FER: variants seen among roughly 807,000 people sequenced by gnomAD.
The protein encoded by FER is FER tyrosine kinase, also known as tyrosine-protein kinase Fer.
FER carries 63 observed loss-of-function variants against 111.0 expected under a neutral mutation model. The observed-to-expected ratio is 0.57, with a 90% CI of 0.46 to 0.70. The LOEUF (loss-of-function observed/expected upper bound fraction) is 0.70, where lower values mean the gene tolerates loss of function less well. Among genes scored for constraint, FER ranks in the 30% least tolerant of loss-of-function variants. The pLI is 0.00. For synonymous variants in FER, 327 were observed against 313.9 expected (o/e 1.04, Z -0.44); for missense variants, 914 against 954.0 (o/e 0.96, Z 0.55).
chr5:109,017,502 T>C (rs1311290461), intron 13 of FER, among the ~76,000 whole-genome samples: 1 of 151,992 alleles, frequency 6.6e-6, no homozygotes, highest in East Asian at 1.9e-4. Context: ...ATAAGTCTTG[T>C]ATATTCACAG....
chr5:109,118,548 T>C (rs1750562882), intron 17 of FER, among the ~76,000 whole-genome samples: 1 of 152,216 alleles, frequency 6.6e-6, no homozygotes, highest in East Asian at 1.9e-4. Flanking sequence ...ATTCCCTCTT[T>C]TTCTATTGAT....
intron 9 of FER, among the ~76,000 whole-genome samples, chr5:108,884,655 GA>G (rs1746818034): frequency 6.6e-6 from 1 of 151,646 alleles, no homozygotes; most frequent in Non-Finnish European, 1.5e-5. Flanking sequence ...TCTTGACTCC[GA>G]AAAACAATCT....
At chr5:108,787,517 C>T (rs534647433) in intron 2 of FER, among the ~76,000 whole-genome samples, 1 of 152,268 alleles carries the variant, frequency 6.6e-6, no homozygotes, top group East Asian at 1.9e-4. Flanking sequence ...AGGTGAAGTC[C>T]GTGGCCCAGA....
At chr5:108,994,952 A>G (rs1296150783) in intron 13 of FER, among the ~76,000 whole-genome samples, 1 of 152,120 alleles carries the variant, frequency 6.6e-6, no homozygotes, top group Non-Finnish European at 1.5e-5. Flanking sequence ...ATTTTTGCAC[A>G]TTGATTTTGT....
intron 13 of FER, among the ~76,000 whole-genome samples, chr5:109,031,937 C>T (rs1011068309): frequency 1.3e-5 from 2 of 152,152 alleles, no homozygotes; most frequent in Non-Finnish European, 2.9e-5. Flanking sequence ...TGGAGATGAA[C>T]TTTCCTAGAG....
chr5:108,944,108 T>TACACACACACAC (rs34138754), intron 10 of FER, among the ~76,000 whole-genome samples: 25 of 145,736 alleles, frequency 1.7e-4, no homozygotes, highest in African/African-American at 4.0e-4. Context: ...TGTGTATGTG[T>TACACACACACAC]ACACACACAC....
chr5:108,992,125 T>C (rs1763266732), intron 13 of FER, among the ~76,000 whole-genome samples: 1 of 152,106 alleles, frequency 6.6e-6, no homozygotes, highest in Non-Finnish European at 1.5e-5. Flanking sequence ...AAGCACATCT[T>C]GCACCGCCCT....
chr5:108,924,317 G>A (rs1412299350), intron 10 of FER, among the ~76,000 whole-genome samples: 1 of 143,960 alleles, frequency 6.9e-6, no homozygotes, highest in Non-Finnish European at 1.5e-5. Context: ...TCAAGAGCAT[G>A]CCATTGCACT....
intron 2 of FER, among the ~76,000 whole-genome samples, chr5:108,769,664 G>A (rs570608956): frequency 6.6e-6 from 1 of 152,188 alleles, no homozygotes; most frequent in African/African-American, 2.4e-5. Flanking sequence ...AGAACTCATA[G>A]GACTTGTATG....
chr5:108,798,036 C>T (rs972949554), intron 2 of FER, 88 bp from the exon 3 acceptor site: 5 of 533,724 alleles, frequency 9.4e-6, no homozygotes, highest in African/African-American at 6.0e-5. Flanking sequence ...TTTTTTAACC[C>T]CAAAGAAGAA....
intron 13 of FER, among the ~76,000 whole-genome samples, chr5:109,026,191 A>G (rs192569407): frequency 4.6e-5 from 7 of 152,334 alleles, no homozygotes; most frequent in Admixed American, 2.6e-4. Context: ...AATCCTTTCT[A>G]GAATGATAGG....
chr5:109,126,362 C>A (rs1187002137), intron 17 of FER, among the ~76,000 whole-genome samples: 1 of 152,150 alleles, frequency 6.6e-6, no homozygotes, highest in African/African-American at 2.4e-5. Context: ...AGGAGCAATA[C>A]TCTTTTGCTT....
intron 3 of FER, among the ~76,000 whole-genome samples, chr5:108,801,333 C>A (rs1049090637): frequency 2.6e-5 from 4 of 152,266 alleles, no homozygotes; most frequent in Admixed American, 2.0e-4. Context: ...TTTTTATACT[C>A]TTTATTCTGT....
intron 11 of FER, among the ~76,000 whole-genome samples, chr5:108,951,136 G>A (rs530735979): frequency 6.6e-6 from 1 of 151,834 alleles, no homozygotes; most frequent in Non-Finnish European, 1.5e-5. Context: ...CAGGTGGGGT[G>A]GTGCGCAATC....
Position 109,175,982 on chromosome 5 carries a change from A to AAAAC in FER, c.2049-4745_2049-4742dup, listed in dbSNP as rs142754402. Among the ~76,000 whole-genome samples the AAAAC allele has an allele frequency of 6.2e-4, 95 of 152,300 alleles. 1 individual carries two copies. Among genetic ancestry groups the AAAAC allele is most frequent in the African/African-American group, 1.4e-3 (59 of 41,576 alleles). On this transcript the variant is annotated intron_variant, in intron 17 of 19. Coordinates refer to ENST00000281092, the MANE Select transcript of FER (RefSeq NM_005246.4). ...CGACAGAGCAAGATTCCATCTCCAA[A>AAAAC]AAACAAACAAACAAACAAACAAATA...
In FER at chr5:109,150,957, A is replaced by G. The variant is rs192332787; in HGVS notation, c.2049-29790A>G. ...GTTAATCAAAGTGGTATTTAATACA[A>G]TTGTATTGGAAATAAGTAATGGGCT... On this transcript the variant is annotated intron_variant, in intron 17 of 19. Coordinates refer to ENST00000281092, the MANE Select transcript of FER (RefSeq NM_005246.4). 2.5e-3 allele frequency among the ~76,000 whole-genome samples: 384 copies of G among 152,310 alleles called. 2 individuals carry two copies. Among genetic ancestry groups the G allele is most frequent in the Non-Finnish European group, 4.1e-3 (278 of 68,014 alleles).
intron 17 of FER, among the ~76,000 whole-genome samples, chr5:109,111,138 G>C (rs993162375): frequency 2.0e-5 from 3 of 152,110 alleles, no homozygotes; most frequent in Admixed American, 6.6e-5. Context: ...TAGACCCATT[G>C]ATTTTGAGAG....
At chr5:108,850,873 A>G (rs536214483) in intron 5 of FER, among the ~76,000 whole-genome samples, 26 of 152,348 alleles carry the variant, frequency 1.7e-4, no homozygotes, top group African/African-American at 5.3e-4. Flanking sequence ...GAATAAAGAA[A>G]TAGTTGAAAC....
intron 3 of FER, among the ~76,000 whole-genome samples, chr5:108,821,921 A>G (rs1360882760): frequency 1.3e-5 from 2 of 152,242 alleles, no homozygotes; most frequent in East Asian, 3.9e-4. Context: ...TATTAACTCT[A>G]GTTATCATGG....
Sources: allele counts gnomAD v4.1 joint callset (sites outside exome capture counted in the v4.1 genomes callset), GRCh38; gene constraint gnomAD v4.1.1; transcripts MANE v1.5; gene names NCBI Gene and HGNC (gene_info 2026-07-23, HGNC 2026-07-21).